The following ERBB4 variants were observed in gnomAD, a reference collection of about 807,000 sequenced individuals.
ERBB4 encodes erb-b2 receptor tyrosine kinase 4.
In ERBB4, 42 loss-of-function variants were observed where a neutral mutation model predicts 158.0. The observed-to-expected ratio is 0.27, with a 90% CI of 0.21 to 0.34. ERBB4 has a LOEUF of 0.34. Among genes scored for constraint, ERBB4 ranks in the 10% least tolerant of loss-of-function variants. The pLI is 1.00. For synonymous variants in ERBB4, 583 were observed against 558.7 expected (o/e 1.04, Z -0.61); for missense variants, 1,333 against 1,624.1 (o/e 0.82, Z 3.08).
chr2:211,788,647 A>T (rs1007716973), intron 3 of ERBB4, among the ~76,000 whole-genome samples: 1 of 152,276 alleles, frequency 6.6e-6, no homozygotes, highest in East Asian at 1.9e-4. Context: ...ATTGGTCTTT[A>T]CAACAAATTT....
At chr2:212,147,329 C>T (rs1346619238) in intron 1 of ERBB4, among the ~76,000 whole-genome samples, 1 of 151,394 alleles carries the variant, frequency 6.6e-6, no homozygotes, top group Admixed American at 6.6e-5. Context: ...AGAAGAATTA[C>T]AATATTATTG....
chr2:211,799,989 A>G (rs951904738), intron 3 of ERBB4, among the ~76,000 whole-genome samples: 1 of 152,220 alleles, frequency 6.6e-6, no homozygotes, highest in Non-Finnish European at 1.5e-5. Flanking sequence ...TGAGTTTCAC[A>G]TGCCCTTTTT....
chr2:211,762,024 A>G (rs2075428880), intron 4 of ERBB4, among the ~76,000 whole-genome samples: 1 of 152,252 alleles, frequency 6.6e-6, no homozygotes, highest in Non-Finnish European at 1.5e-5. Flanking sequence ...TATTTGATGA[A>G]GGAATGACTA....
chr2:212,199,752 G>A (rs1425991987), intron 1 of ERBB4, among the ~76,000 whole-genome samples: 1 of 151,772 alleles, frequency 6.6e-6, no homozygotes, highest in Non-Finnish European at 1.5e-5. Context: ...TTAGAGATGA[G>A]CAATTCACAA....
chr2:212,145,727 TAAAAAA>T (rs5838300), intron 1 of ERBB4, among the ~76,000 whole-genome samples: 5 of 88,882 alleles, frequency 5.6e-5, no homozygotes, highest in East Asian at 5.0e-4. Flanking sequence ...CAGCATGCAG[TAAAAAA>T]AAAAAAAAAA....
At chr2:211,440,692 T>C (rs1343540275) in intron 20 of ERBB4, among the ~76,000 whole-genome samples, 1 of 152,188 alleles carries the variant, frequency 6.6e-6, no homozygotes, top group African/African-American at 2.4e-5. Context: ...TCTGCCATCA[T>C]ATAGACCTAA....
At chr2:211,576,224 AG>A (rs1346698989) in intron 19 of ERBB4, among the ~76,000 whole-genome samples, 1 of 152,162 alleles carries the variant, frequency 6.6e-6, no homozygotes, top group East Asian at 1.9e-4. Flanking sequence ...CCTTTGTTTC[AG>A]GGGGCTGAGT....
In ERBB4 at chr2:212,134,608, C is replaced by T. The variant is rs184559889; in HGVS notation, c.83-9705G>A. Among the ~76,000 whole-genome samples, 102 of 150,326 alleles carry T rather than the reference C, an allele frequency of 6.8e-4. 2 individuals carry two copies. Among genetic ancestry groups the T allele is most frequent in the Non-Finnish European group, 1.2e-3 (78 of 67,750 alleles). ...TATTATGTATTATCTGAATCTTTAT[C>T]TTCTACCACTGTTTTATTGATTCCC... On this transcript the variant is annotated intron_variant, in intron 1 of 27. Transcript: ENST00000342788.
At chr2:212,295,485 C>A (rs2086377339) in intron 1 of ERBB4, among the ~76,000 whole-genome samples, 1 of 151,992 alleles carries the variant, frequency 6.6e-6, no homozygotes, top group African/African-American at 2.4e-5. Flanking sequence ...GAAAAGAAAA[C>A]GTATGCATAT....
chr2:212,346,536 AAATGTTTT>A (rs1482337862), intron 1 of ERBB4, among the ~76,000 whole-genome samples: 2 of 152,142 alleles, frequency 1.3e-5, no homozygotes, highest in Admixed American at 6.5e-5. Context: ...GAAATGTTTT[AAATGTTTT>A]AATGTTTTAA....
At chr2:212,490,493 T>G (rs1446375233) in intron 1 of ERBB4, among the ~76,000 whole-genome samples, 1 of 151,862 alleles carries the variant, frequency 6.6e-6, no homozygotes, top group Non-Finnish European at 1.5e-5. Flanking sequence ...ATCTGATTAG[T>G]ATATTATTTT....
chr2:212,028,481 G>A (rs190766513), intron 2 of ERBB4, among the ~76,000 whole-genome samples: 1 of 152,178 alleles, frequency 6.6e-6, no homozygotes, highest in East Asian at 1.9e-4. Context: ...TCTCATAAAT[G>A]ACGCAATGGA....
chr2:212,277,872 G>GA (rs1304606251), intron 1 of ERBB4, among the ~76,000 whole-genome samples: 1 of 151,598 alleles, frequency 6.6e-6, no homozygotes, highest in East Asian at 1.9e-4. Context: ...AGAGGAGTAT[G>GA]ATTATGTTTC....
chr2:212,446,869 A>G (rs2092366983), intron 1 of ERBB4, among the ~76,000 whole-genome samples: 2 of 151,054 alleles, frequency 1.3e-5, no homozygotes, highest in African/African-American at 4.9e-5. Flanking sequence ...CCTAACCCAT[A>G]TGATTGTATT....
intron 1 of ERBB4, among the ~76,000 whole-genome samples, chr2:212,263,990 G>A (rs188457869): frequency 1.2e-3 from 182 of 152,138 alleles, no homozygotes; most frequent in African/African-American, 4.0e-3. Context: ...TATTGCTGTG[G>A]TCATGTTGTG....
intron 2 of ERBB4, among the ~76,000 whole-genome samples, chr2:212,001,651 G>C (rs2076108519): frequency 6.6e-6 from 1 of 152,142 alleles, no homozygotes. Context: ...TTTAAGAAAA[G>C]TCTTTTGTTT....
In ERBB4 at chr2:211,713,390, GTAAC is replaced by G. The variant is rs532994286; in HGVS notation, c.997+141_997+144del. On this transcript the variant is annotated intron_variant, in intron 8 of 27. Coordinates refer to ENST00000342788, the MANE Select transcript of ERBB4 (RefSeq NM_005235.3). ...AGTGCTATAAAAGTTCATATTTTGA[GTAAC>G]TGTTCAAAATTATGGAAAGCGTGTG... The G allele has an allele frequency of 2.6e-4, 178 of 672,920 alleles. No homozygotes were observed. The African/African-American group carries it at 2.9e-3, about 11-fold the overall frequency. The allele number at this position is 672,920 out of a possible 1,614,324, so 41.7% of individuals were successfully genotyped here.
At chr2:212,533,558 CAT>C (rs1258530348) in intron 1 of ERBB4, among the ~76,000 whole-genome samples, 3 of 152,138 alleles carry the variant, frequency 2.0e-5, no homozygotes, top group Non-Finnish European at 2.9e-5. Context: ...ATGTTGAAGA[CAT>C]ACAGTTTCAG....
intron 19 of ERBB4, among the ~76,000 whole-genome samples, chr2:211,581,175 C>G (rs2068093112): frequency 6.6e-6 from 1 of 151,380 alleles, no homozygotes; most frequent in Non-Finnish European, 1.5e-5. Flanking sequence ...GTGTATACTG[C>G]TCAGGTGATG....
Sources: gnomAD v4.1 joint callset for allele counts (sites outside exome capture counted in the v4.1 genomes callset) on GRCh38, gnomAD v4.1.1 for gene constraint, MANE v1.5 for transcripts, NCBI Gene and HGNC (gene_info 2026-07-23, HGNC 2026-07-21) for gene names.